PIK3C2B: variants seen among roughly 807,000 people sequenced by gnomAD.
PIK3C2B encodes phosphatidylinositol-4-phosphate 3-kinase catalytic subunit type 2 beta, also known as phosphatidylinositol 4-phosphate 3-kinase C2 domain-containing subunit beta.
A neutral mutation model predicts 184.3 loss-of-function variants in PIK3C2B; 83 were observed. The observed-to-expected ratio is 0.45, with a 90% CI of 0.38 to 0.54. The LOEUF is 0.54. Ranked by LOEUF, PIK3C2B falls within the 20% of genes least tolerant of loss-of-function variation. PIK3C2B has a pLI of 0.00. For missense variants in PIK3C2B, 1,736 were observed against 2,113.5 expected, an observed-to-expected ratio of 0.82 and a Z score of 3.50; for synonymous variants, 779 against 837.6, an observed-to-expected ratio of 0.93 and a Z score of 1.21.
chr1:204,434,831 T>A (rs139666325), intron 23 of PIK3C2B, among the ~76,000 whole-genome samples: 111 of 152,390 alleles, frequency 7.3e-4, no homozygotes, highest in African/African-American at 2.4e-3. Flanking sequence ...GAGATTTATA[T>A]GTATATCTTC....
intron 1 of PIK3C2B, among the ~76,000 whole-genome samples, chr1:204,473,160 G>C (rs1656431374): frequency 6.6e-6 from 1 of 152,196 alleles, no homozygotes; most frequent in African/African-American, 2.4e-5. Flanking sequence ...TTCAAAATAA[G>C]TTAGGACAAA....
At chr1:204,437,297 C>A (rs572832435) in intron 23 of PIK3C2B, among the ~76,000 whole-genome samples, 1 of 151,932 alleles carries the variant, frequency 6.6e-6, no homozygotes, top group South Asian at 2.1e-4. Flanking sequence ...GAGTTCGCGA[C>A]CAGCCTGGCC....
intron 18 of PIK3C2B, 77 bp downstream of exon 18, chr1:204,443,991 C>T: frequency 9.8e-7 from 1 of 1,019,050 alleles, no homozygotes; most frequent in Admixed American, 1.8e-5. Context: ...AGTTCCTTGC[C>T]CTTGCGTGCC....
intron 10 of PIK3C2B, 138 bp from the exon 11 acceptor site, chr1:204,456,189 G>A (rs914458148): frequency 2.3e-5 from 13 of 561,056 alleles, no homozygotes; most frequent in Admixed American, 3.7e-5. Context: ...CTGTGACAAA[G>A]TTCACCCATC....
At chr1:204,492,891 C>T (rs999481855) in intron 1 of PIK3C2B, among the ~76,000 whole-genome samples, 1 of 152,160 alleles carries the variant, frequency 6.6e-6, no homozygotes, top group East Asian at 1.9e-4. Flanking sequence ...GCAGCCACAG[C>T]CTGGGTCTAG....
intron 1 of PIK3C2B, among the ~76,000 whole-genome samples, chr1:204,487,690 A>C (rs1336805809): frequency 6.6e-6 from 1 of 152,192 alleles, no homozygotes; most frequent in East Asian, 1.9e-4. Flanking sequence ...AGTTTCTATA[A>C]TCTCTAGGAA....
rs76237629 is a variant in PIK3C2B at position 204,447,005 on chromosome 1, C to T, written c.2489+431G>A. Among the ~76,000 whole-genome samples, 58 of 151,740 alleles carry T rather than the reference C, an allele frequency of 3.8e-4. No individual in the cohort carries two copies. The East Asian group carries it at 0.011, about 29-fold the overall frequency. The stretch of plus-strand genomic sequence containing the variant: ...CTCACGTACCCCTGAGAGCTGCCAG[C>T]TTGCCTTGACACCTGATCCTTTTTG... On this transcript the variant is annotated intron_variant, in intron 15 of 32. Coordinates refer to ENST00000684373, the MANE Select transcript of PIK3C2B (RefSeq NM_001377334.1). The surrounding 1 kb of genome is among the most constrained non-coding windows in gnomAD (Gnocchi z 4.1).
intron 1 of PIK3C2B, among the ~76,000 whole-genome samples, chr1:204,479,309 G>A (rs1656948734): frequency 1.5e-5 from 1 of 67,394 alleles, no homozygotes; most frequent in African/African-American, 4.0e-5. Context: ...TTCACCCCAG[G>A]TTCCAAGGGC....
In PIK3C2B at chr1:204,433,763, A is replaced by C. The variant is rs1309009377; in HGVS notation, c.3843+30T>G. On this transcript the variant is annotated intron_variant, in intron 25 of 32. Coordinates refer to ENST00000684373, the MANE Select transcript of PIK3C2B (RefSeq NM_001377334.1). The surrounding 1 kb of genome is among the most constrained non-coding windows in gnomAD (Gnocchi z 5.0). The stretch of plus-strand genomic sequence containing the variant: ...AAGATGATGCCAGATAATAAGAAGA[A>C]GGTATTCGGAAAGGGATGGAGCTCC... 1.9e-6 allele frequency: 3 copies of C among 1,598,548 alleles called. No homozygotes were observed. The highest frequency in any genetic ancestry group is 1.7e-6 in the Non-Finnish European group (2 of 1,166,384).
At position 204,455,983 on chromosome 1, in the gene PIK3C2B, C is replaced by T. The variant is rs961962122; in HGVS notation, c.1816G>A (p.Ala606Thr). Residue 606 changes from alanine to threonine, a missense_variant, in exon 11 of 33, where the codon GCA (alanine) becomes ACA (threonine). By Grantham distance (58) the Ala-to-Thr change is moderately conservative (BLOSUM62 0). Transcript: ENST00000684373. ...LVELYCNTFN[A>T]DFQTAVPGSR... ...CCGGGCACTGCCGTCTGGAAGTCTG[C>T]GTTGAATGTGTTGCAGTACAGCTCC... 4.3e-6 allele frequency: 7 copies of T among 1,614,050 alleles called. No homozygotes were observed. Among genetic ancestry groups the T allele is most frequent in the Admixed American group, 1.7e-5 (1 of 60,004 alleles).
At chr1:204,482,363 T>A (rs1024840708) in intron 1 of PIK3C2B, among the ~76,000 whole-genome samples, 23 of 152,194 alleles carry the variant, frequency 1.5e-4, no homozygotes, top group Admixed American at 8.5e-4. Context: ...GGAGCCTCCA[T>A]TCTTCCTGGT....
intron 1 of PIK3C2B, among the ~76,000 whole-genome samples, chr1:204,480,393 G>A (rs1657027772): frequency 6.6e-6 from 1 of 152,142 alleles, no homozygotes. Context: ...ACTTTGTACT[G>A]TCTCTCCTAC....
intron 12 of PIK3C2B, 46 bp downstream of exon 12, chr1:204,454,623 C>A: frequency 6.2e-7 from 1 of 1,602,584 alleles, no homozygotes; most frequent in Non-Finnish European, 8.5e-7. Context: ...AGAGGCTGAG[C>A]AGGTCTACAG....
At chr1:204,445,665 T>C (rs922989044) in intron 16 of PIK3C2B, among the ~76,000 whole-genome samples, 7 of 146,908 alleles carry the variant, frequency 4.8e-5, no homozygotes, top group Non-Finnish European at 1.5e-5. Flanking sequence ...GATGGATAAA[T>C]GAAATGTACA....
chr1:204,469,013 C>T lies in PIK3C2B; in HGVS notation c.790G>A (p.Asp264Asn). The T allele has an allele frequency of 6.2e-7, 1 of 1,614,198 alleles. No homozygotes were observed. The highest frequency in any genetic ancestry group is 1.6e-4 in the Middle Eastern group (1 of 6,062). The change falls in exon 2 of 33, where the codon GAC becomes AAC. Residue 264 changes from aspartate (D) to asparagine (N), a missense_variant. Coordinates refer to ENST00000684373, the MANE Select transcript of PIK3C2B (RefSeq NM_001377334.1). The stretch of plus-strand genomic sequence containing the variant: ...TTTCCAGAGGTGTCTTTGCTGAAGT[C>T]CAGCGGCCCTCGGCCCTCCTTCCAG... The part of the protein sequence containing the change: ...RGWKEGRGPL[D>N]FSKDTSGKPV...
At chr1:204,481,937 C>A (rs933490405) in intron 1 of PIK3C2B, among the ~76,000 whole-genome samples, 4 of 152,168 alleles carry the variant, frequency 2.6e-5, no homozygotes, top group African/African-American at 9.7e-5. Context: ...AAATGAAACA[C>A]CCCTAAACAT....
At chr1:204,493,981 C>CT (rs770002894) in intron 1 of PIK3C2B, among the ~76,000 whole-genome samples, 11 of 152,316 alleles carry the variant, frequency 7.2e-5, no homozygotes, top group Admixed American at 1.3e-4. Flanking sequence ...ACAGGTTTTG[C>CT]TTTTTTTATT....
chr1:204,459,927 A>C lies in PIK3C2B; in HGVS notation c.1517T>G (p.Leu506Arg), dbSNP rs759906687. The C allele has an allele frequency of 2.5e-6, 4 of 1,613,996 alleles. No individual in the cohort carries two copies. Among genetic ancestry groups the C allele is most frequent in the Non-Finnish European group, 3.4e-6 (4 of 1,179,988 alleles). ...CTCATTGTGGTAAGTGTCGAACAGA[A>C]GACTCAGGGCCTGCCTGGGAGTTGG... The part of the protein sequence containing the change: ...KQTISRQALS[L>R]LFDTYHNEVD... Residue 506 changes from leucine to arginine, a missense_variant, in exon 8 of 33, where the codon CTT (leucine) becomes CGT (arginine). By Grantham distance (102) the Leu-to-Arg change is moderately radical (BLOSUM62 -2). Around this residue, in one of 8 missense-constraint regions of PIK3C2B, gnomAD observed 609 missense variants for 699.2 expected, o/e 0.87. Coordinates refer to ENST00000684373, the MANE Select transcript of PIK3C2B (RefSeq NM_001377334.1).
chr1:204,454,885 G>A, intron 11 of PIK3C2B, 94 bp from the exon 12 acceptor site: 1 of 1,392,726 alleles, frequency 7.2e-7, no homozygotes, highest in Non-Finnish European at 9.7e-7. Context: ...CATTTCCCCT[G>A]GTAAAACTCT....
Sources: allele counts gnomAD v4.1 joint callset (sites outside exome capture counted in the v4.1 genomes callset), GRCh38; gene constraint gnomAD v4.1.1; regional missense constraint gnomAD v4.1.1; non-coding constraint Gnocchi (gnomAD v3.1); transcripts MANE v1.5; gene names NCBI Gene and HGNC (gene_info 2026-07-23, HGNC 2026-07-21).